RNF217: variants seen among roughly 807,000 people sequenced by gnomAD.
The protein encoded by RNF217 is ring finger protein 217, also known as E3 ubiquitin-protein ligase RNF217.
A neutral mutation model predicts 57.8 loss-of-function variants in RNF217; 31 were observed. The observed-to-expected ratio is 0.54, with a 90% confidence interval of 0.40 to 0.72. RNF217 has a LOEUF of 0.72. RNF217 is among the 30% of genes least tolerant of loss of function. RNF217 has a pLI of 0.00. For missense variants in RNF217, 696 were observed against 708.3 expected (o/e 0.98, Z 0.20); for synonymous variants, 313 against 294.0 (o/e 1.06, Z -0.66).
At chr6:124,974,647 C>T (rs1783893250) in intron 1 of RNF217, among the ~76,000 whole-genome samples, 1 of 152,086 alleles carries the variant, frequency 6.6e-6, no homozygotes, top group Non-Finnish European at 1.5e-5. Flanking sequence ...ATTTGAAAAA[C>T]TTAGGAATAT....
chr6:124,985,119 T>C (rs1784326898), intron 1 of RNF217, among the ~76,000 whole-genome samples: 1 of 152,286 alleles, frequency 6.6e-6, no homozygotes, highest in East Asian at 1.9e-4. Context: ...CCAGATAGTG[T>C]CTCACACTTA....
chr6:125,004,868 T>G (rs1293225945), intron 1 of RNF217, among the ~76,000 whole-genome samples: 2 of 152,202 alleles, frequency 1.3e-5, no homozygotes, highest in African/African-American at 4.8e-5. Flanking sequence ...GGCCTTGTCT[T>G]AGTCCATTTT....
At position 124,989,965 on chromosome 6, in the gene RNF217, A is replaced by G. The variant is rs1283210610; in HGVS notation, c.882+26539A>G. Among the ~76,000 whole-genome samples the G allele has an allele frequency of 2.0e-5, 3 of 151,238 alleles. No individual in the cohort carries two copies. In the Admixed American group the frequency reaches 2.0e-4, roughly 10 times the overall value. On this transcript the variant is annotated intron_variant, in intron 1 of 5. Coordinates refer to ENST00000521654, the MANE Select transcript of RNF217 (RefSeq NM_001286398.3). ...GTTCCTCTTGTGTGCTTTCTTTATA[A>G]TGTTTTGCAAAAGTTGTCTCCACTC...
At chr6:125,034,289 G>A (rs1484141533) in intron 1 of RNF217, among the ~76,000 whole-genome samples, 2 of 152,152 alleles carry the variant, frequency 1.3e-5, no homozygotes, top group Non-Finnish European at 2.9e-5. Flanking sequence ...GTCCTGAATG[G>A]TAATGCCTAG....
chr6:125,031,583 T>C (rs1369642049), intron 1 of RNF217, among the ~76,000 whole-genome samples: 1 of 152,216 alleles, frequency 6.6e-6, no homozygotes, highest in Non-Finnish European at 1.5e-5. Context: ...GTTTCTTCAC[T>C]GAATCATAAT....
intron 1 of RNF217, among the ~76,000 whole-genome samples, chr6:124,981,088 G>C (rs944398695): frequency 1.3e-5 from 2 of 152,114 alleles, no homozygotes; most frequent in African/African-American, 4.8e-5. Flanking sequence ...AAATTAGATG[G>C]TGTGAGCAGT....
intron 1 of RNF217, chr6:125,008,913 C>T (rs1785307365): frequency 5.7e-6 from 1 of 176,812 alleles, no homozygotes; most frequent in Non-Finnish European, 1.2e-5. Flanking sequence ...TCCTATGCCA[C>T]CAGCAACGTG....
chr6:124,976,010 A>G (rs1370617026), intron 1 of RNF217, among the ~76,000 whole-genome samples: 1 of 152,212 alleles, frequency 6.6e-6, no homozygotes, highest in Non-Finnish European at 1.5e-5. Context: ...TCCTAAAATT[A>G]AAGAAAGAAG....
chr6:124,974,635 A>T (rs1015101243), intron 1 of RNF217, among the ~76,000 whole-genome samples: 2 of 152,218 alleles, frequency 1.3e-5, no homozygotes, highest in Non-Finnish European at 2.9e-5. Context: ...TGTAGTTAAA[A>T]TATTTGAAAA....
At chr6:125,081,253 A>G (rs1344609168) in intron 4 of RNF217, among the ~76,000 whole-genome samples, 183 bp from the exon 5 acceptor site, 1 of 152,100 alleles carries the variant, frequency 6.6e-6, no homozygotes. Flanking sequence ...TGAAGTTACT[A>G]AACTTACATG....
In RNF217 at chr6:125,088,687, AC is replaced by A. The variant is rs1788846603; in HGVS notation, c.*5751del. 1 of 152,214 alleles carries A rather than the reference AC, an allele frequency of 6.6e-6. No homozygotes were observed. Among genetic ancestry groups the A allele is most frequent in the African/African-American group, 2.4e-5 (1 of 41,474 alleles). 9.4% of individuals were successfully genotyped at this position (152,214 alleles called of 1,614,324 possible). A position where few individuals can be genotyped will look rare whatever the true frequency, so the allele number is the denominator to read the frequency against. Reference sequence around the variant, plus strand: ...AAAGGCAATAATTTTTTTTAAATACACAAAACATTGCCATTGCCCTTTTTTG... The same window carrying A: ...AAAGGCAATAATTTTTTTTAAATACAAAAACATTGCCATTGCCCTTTTTTG... On this transcript the variant is annotated 3_prime_UTR_variant, in exon 6 of 6. Transcript: ENST00000521654.
intron 2 of RNF217, among the ~76,000 whole-genome samples, chr6:125,048,945 T>C (rs1185042007): frequency 6.6e-6 from 1 of 152,042 alleles, no homozygotes; most frequent in East Asian, 1.9e-4. Flanking sequence ...TTGAGAGATT[T>C]ACATTCAGAC....
chr6:125,065,473 A>G (rs1787903330), intron 3 of RNF217, among the ~76,000 whole-genome samples: 1 of 152,178 alleles, frequency 6.6e-6, no homozygotes, highest in Non-Finnish European at 1.5e-5. Flanking sequence ...ATTGCAGGAC[A>G]TACATAAATG....
intron 1 of RNF217, among the ~76,000 whole-genome samples, chr6:125,026,682 A>C (rs1190932935): frequency 6.6e-6 from 1 of 152,190 alleles, no homozygotes; most frequent in Non-Finnish European, 1.5e-5. Flanking sequence ...GGTGCTATAC[A>C]AGTCAGCTTT....
chr6:125,061,499 T>C (rs1050281225), intron 3 of RNF217, among the ~76,000 whole-genome samples: 1 of 151,770 alleles, frequency 6.6e-6, no homozygotes, highest in Admixed American at 6.6e-5. Flanking sequence ...GTGGGACAGA[T>C]TGGGGCATAT....
In RNF217 at chr6:125,036,510, A is replaced by C. The variant is rs550944191; in HGVS notation, c.883-8701A>C. On this transcript the variant is annotated intron_variant, in intron 1 of 5. Coordinates refer to ENST00000521654, the MANE Select transcript of RNF217 (RefSeq NM_001286398.3). ...CCAAAAGGAATCGCAACAAAAGCCAAAGTTGACAAATGGGATCTAATTAAA... is the reference window on the plus strand; with the variant it reads ...CCAAAAGGAATCGCAACAAAAGCCACAGTTGACAAATGGGATCTAATTAAA... Among the ~76,000 whole-genome samples, 10 of 152,260 alleles carry C rather than the reference A, an allele frequency of 6.6e-5. No homozygotes were observed. The South Asian group carries it at 8.3e-4, about 13-fold the overall frequency.
chr6:125,057,888 T>C (rs1423116698), intron 2 of RNF217, 54 bp from the exon 3 acceptor site: 13 of 1,450,736 alleles, frequency 9.0e-6, no homozygotes. Flanking sequence ...TCTTATCCTT[T>C]TAGACACTTT....
At chr6:125,052,537 T>C (rs1469391290) in intron 2 of RNF217, among the ~76,000 whole-genome samples, 1 of 151,998 alleles carries the variant, frequency 6.6e-6, no homozygotes, top group Non-Finnish European at 1.5e-5. Context: ...GATCCCCAAG[T>C]AGGCAGTGAA....
intron 1 of RNF217, among the ~76,000 whole-genome samples, chr6:125,013,485 G>A (rs1344757817): frequency 8.6e-5 from 13 of 151,358 alleles, no homozygotes; most frequent in African/African-American, 2.7e-4. Context: ...GAAACATCTA[G>A]AGGGGGAGCT....
Sources: allele counts gnomAD v4.1 joint callset (sites outside exome capture counted in the v4.1 genomes callset), GRCh38; gene constraint gnomAD v4.1.1; transcripts MANE v1.5; gene names NCBI Gene and HGNC (gene_info 2026-07-23, HGNC 2026-07-21).